PDE3A: variants seen among roughly 807,000 people sequenced by gnomAD.
PDE3A encodes the protein cGMP-inhibited 3',5'-cyclic phosphodiesterase 3A.
A neutral mutation model predicts 98.3 loss-of-function variants in PDE3A; 43 were observed. The observed-to-expected ratio is 0.44, with a 90% CI of 0.34 to 0.56. The LOEUF (loss-of-function observed/expected upper bound fraction) is 0.56. PDE3A is among the 20% of genes least tolerant of loss of function. The pLI is 0.01. For missense variants in PDE3A, 1,427 were observed against 1,440.7 expected, an observed-to-expected ratio of 0.99 and a Z score of 0.15; for synonymous variants, 663 against 567.9, an observed-to-expected ratio of 1.17 and a Z score of -2.38.
chr12:20,667,464 G>A (rs766202446), intron 15 of PDE3A, among the ~76,000 whole-genome samples: 6 of 152,072 alleles, frequency 3.9e-5, no homozygotes, highest in Non-Finnish European at 7.3e-5. Flanking sequence ...AGTGAGAAAT[G>A]GAGTCTAGTT....
intron 2 of PDE3A, among the ~76,000 whole-genome samples, chr12:20,583,653 A>T (rs1418039056): frequency 6.6e-6 from 1 of 152,214 alleles, no homozygotes; most frequent in African/African-American, 2.4e-5. Flanking sequence ...TTTCTGGATC[A>T]TAAGAGGACT....
intron 1 of PDE3A, among the ~76,000 whole-genome samples, chr12:20,391,081 A>G (rs1943905796): frequency 6.6e-6 from 1 of 151,878 alleles, no homozygotes; most frequent in African/African-American, 2.4e-5. Flanking sequence ...ACACTTAAAA[A>G]GTACATGGGC....
chr12:20,575,560 A>G (rs1399805594), intron 2 of PDE3A, among the ~76,000 whole-genome samples: 3 of 152,032 alleles, frequency 2.0e-5, no homozygotes, highest in Non-Finnish European at 2.9e-5. Flanking sequence ...ACTGGTTACA[A>G]TACAGGGAAC....
chr12:20,387,371 G>T (rs1943831172), intron 1 of PDE3A, among the ~76,000 whole-genome samples: 1 of 152,102 alleles, frequency 6.6e-6, no homozygotes, highest in African/African-American at 2.4e-5. Context: ...GGGCAGTATG[G>T]CCAGTTTCAC....
At chr12:20,621,541 C>A in intron 5 of PDE3A, 130 bp downstream of exon 5, 1 of 567,592 alleles carries the variant, frequency 1.8e-6, no homozygotes, top group Non-Finnish European at 3.1e-6. Flanking sequence ...TTCTAATAAC[C>A]AATTAGTTAT....
Position 20,684,551 on chromosome 12 carries a change from C to A in PDE3A, c.*4280C>A, listed in dbSNP as rs1343891088. 6.6e-6 allele frequency among the ~76,000 whole-genome samples: 1 copy of A among 152,134 alleles called. No individual in the cohort carries two copies. Among genetic ancestry groups the A allele is most frequent in the Non-Finnish European group, 1.5e-5 (1 of 68,020 alleles). On this transcript the variant is annotated 3_prime_UTR_variant, in exon 16 of 16. Coordinates refer to ENST00000359062, the MANE Select transcript of PDE3A (RefSeq NM_000921.5). ...GCTAAAATATCTATGTACTTTGAAG[C>A]CAAACTGAGTTTATTTCATTGATCG...
chr12:20,510,188 T>C (rs1305820543), intron 1 of PDE3A, among the ~76,000 whole-genome samples: 1 of 152,098 alleles, frequency 6.6e-6, no homozygotes, highest in African/African-American at 2.4e-5. Context: ...ACATAGTTCT[T>C]TAATACTTTT....
rs550133977 is a variant in PDE3A at position 20,449,616 on chromosome 12, T to C, written c.960+79372T>C. 5.8e-4 allele frequency: 224 copies of C among 385,834 alleles called. 3 individuals are homozygous for C. The South Asian group carries it at 0.016, about 28-fold the overall frequency. The allele number at this position is 385,834 out of a possible 1,614,324, so 23.9% of individuals were successfully genotyped here. A position where few individuals can be genotyped will look rare whatever the true frequency, so the allele number is the denominator to read the frequency against. On this transcript the variant is annotated intron_variant, in intron 1 of 15. Coordinates refer to ENST00000359062, the MANE Select transcript of PDE3A (RefSeq NM_000921.5). ...GCACGGGGTCTCTGCTCACACTTACTGGAGCCAATTGTGGCAGATTTTAGT... is the reference window on the plus strand; with the variant it reads ...GCACGGGGTCTCTGCTCACACTTACCGGAGCCAATTGTGGCAGATTTTAGT...
chr12:20,664,506 C>A (rs112687181), intron 15 of PDE3A, among the ~76,000 whole-genome samples: 3,226 of 152,164 alleles, frequency 0.021, 100 homozygotes, highest in African/African-American at 0.072. Context: ...TTTGCTGTGT[C>A]CCCACCCAAA....
intron 15 of PDE3A, among the ~76,000 whole-genome samples, chr12:20,667,709 C>T (rs1419649391): frequency 4.6e-5 from 7 of 152,140 alleles, no homozygotes; most frequent in Admixed American, 4.6e-4. Context: ...TGTGGTGCCT[C>T]CATCTTTGTT....
At chr12:20,445,043 C>G (rs12314390) in intron 1 of PDE3A, among the ~76,000 whole-genome samples, 3 of 152,084 alleles carry the variant, frequency 2.0e-5, no homozygotes, top group Non-Finnish European at 4.4e-5. Flanking sequence ...TCAAATCCAT[C>G]GCCACTGCTA....
chr12:20,664,426 C>T (rs1945257011), intron 15 of PDE3A, among the ~76,000 whole-genome samples: 1 of 152,114 alleles, frequency 6.6e-6, no homozygotes, highest in East Asian at 1.9e-4. Context: ...GCCTACTTTA[C>T]CTCTCTACTC....
intron 1 of PDE3A, among the ~76,000 whole-genome samples, chr12:20,468,587 A>T (rs982178554): frequency 6.6e-6 from 1 of 152,202 alleles, no homozygotes; most frequent in African/African-American, 2.4e-5. Context: ...TTCAGGTTAC[A>T]CTGTGCTTCC....
In PDE3A at chr12:20,583,470, G is replaced by A. The variant is rs4614506; in HGVS notation, c.1011+26760G>A. The stretch of plus-strand genomic sequence containing the variant: ...GAATAAGGGTTTTGATAAGAATAGC[G>A]TTAAACTGGATTTCAGTAATGAGAT... On this transcript the variant is annotated intron_variant, in intron 2 of 15. Coordinates refer to ENST00000359062, the MANE Select transcript of PDE3A (RefSeq NM_000921.5). 1.6e-3 allele frequency among the ~76,000 whole-genome samples: 244 copies of A among 151,992 alleles called. 4 individuals carry two copies. The South Asian group carries it at 0.032, about 20-fold the overall frequency.
chr12:20,605,370 G>T (rs1347160721), intron 2 of PDE3A, among the ~76,000 whole-genome samples: 1 of 152,200 alleles, frequency 6.6e-6, no homozygotes, highest in African/African-American at 2.4e-5. Context: ...TTATAAGGTA[G>T]AGCTTGTGAA....
At chr12:20,607,445 AAAAAAAG>A (rs1206516597) in intron 2 of PDE3A, among the ~76,000 whole-genome samples, 6 of 151,762 alleles carry the variant, frequency 4.0e-5, no homozygotes, top group African/African-American at 1.5e-4. Flanking sequence ...TCAAAAAAAA[AAAAAAAG>A]AAAAAAGAAA....
chr12:20,551,901 C>A (rs1398968419), intron 1 of PDE3A: 1 of 1,613,360 alleles, frequency 6.2e-7, no homozygotes, highest in Non-Finnish European at 8.5e-7. Flanking sequence ...TCCCGGGGAT[C>A]CCCGTGGGCA....
chr12:20,527,274 AG>A (rs1485268174), intron 1 of PDE3A, among the ~76,000 whole-genome samples: 1 of 152,164 alleles, frequency 6.6e-6, no homozygotes, highest in Admixed American at 6.5e-5. Context: ...ATAATTAAAT[AG>A]CTTCTAAACA....
chr12:20,580,635 G>A (rs995889732), intron 2 of PDE3A, among the ~76,000 whole-genome samples: 2 of 152,124 alleles, frequency 1.3e-5, no homozygotes, highest in African/African-American at 4.8e-5. Flanking sequence ...AAGGCTTTCT[G>A]ATTCTTTTCT....
Sources: gnomAD v4.1 joint callset for allele counts (sites outside exome capture counted in the v4.1 genomes callset) on GRCh38, gnomAD v4.1.1 for gene constraint, MANE v1.5 for transcripts, NCBI Gene and HGNC (gene_info 2026-07-23, HGNC 2026-07-21) for gene names.